Variants in DYM observed in about 807,000 individuals in gnomAD.
DYM encodes the protein dyggve-Melchior-Clausen syndrome protein.
A neutral mutation model predicts 93.1 loss-of-function variants in DYM; 78 were observed. That is an observed-to-expected ratio of 0.84 (90% CI 0.70 to 1.01). The LOEUF is 1.01. DYM is among the 50% of genes least tolerant of loss of function. DYM has a pLI of 0.00. For synonymous variants in DYM, 321 were observed against 319.7 expected (o/e 1.00, Z -0.04); for missense variants, 789 against 845.0 (o/e 0.93, Z 0.82).
intron 6 of DYM, among the ~76,000 whole-genome samples, chr18:49,353,889 G>A (rs2065327668): frequency 6.6e-6 from 1 of 151,980 alleles, no homozygotes; most frequent in Non-Finnish European, 1.5e-5. Context: ...CACAACACCT[G>A]CAAGTTACTT....
chr18:49,045,795 A>T (rs2071409628), intron 17 of DYM, among the ~76,000 whole-genome samples: 1 of 152,132 alleles, frequency 6.6e-6, no homozygotes, highest in Non-Finnish European at 1.5e-5. Flanking sequence ...GCTGGAGGCT[A>T]AGGAGGGGGT....
At chr18:49,411,740 A>C (rs1366321898) in intron 2 of DYM, among the ~76,000 whole-genome samples, 1 of 152,218 alleles carries the variant, frequency 6.6e-6, no homozygotes, top group African/African-American at 2.4e-5. Flanking sequence ...TTCCGCCATA[A>C]AATTCTTTCA....
At chr18:49,111,678 G>A (rs754773668) in intron 16 of DYM, among the ~76,000 whole-genome samples, 27 of 152,110 alleles carry the variant, frequency 1.8e-4, no homozygotes, top group Non-Finnish European at 3.7e-4. Context: ...CATGCTCCAC[G>A]TTCTGCTTTC....
At chr18:49,175,253 T>C (rs1490542022) in intron 14 of DYM, among the ~76,000 whole-genome samples, 2 of 152,228 alleles carry the variant, frequency 1.3e-5, no homozygotes, top group Non-Finnish European at 2.9e-5. Flanking sequence ...TACTAATTGA[T>C]GATTTATCTT....
chr18:49,069,800 T>C (rs576246183), intron 17 of DYM, among the ~76,000 whole-genome samples: 1 of 152,274 alleles, frequency 6.6e-6, no homozygotes, highest in Admixed American at 6.5e-5. Context: ...CCCAGCACTT[T>C]GGGAGGCCAA....
intron 17 of DYM, among the ~76,000 whole-genome samples, chr18:49,068,094 T>G (rs2076612017): frequency 6.6e-6 from 1 of 152,204 alleles, no homozygotes. Flanking sequence ...CTAGTAATAG[T>G]TGGACTTTCA....
intron 13 of DYM, among the ~76,000 whole-genome samples, chr18:49,231,798 C>T (rs1040561461): frequency 6.6e-6 from 1 of 152,106 alleles, no homozygotes; most frequent in African/African-American, 2.4e-5. Flanking sequence ...GCTAAAAAGT[C>T]ACCAGAGGAA....
chr18:49,132,444 G>GA (rs999748368), intron 15 of DYM, among the ~76,000 whole-genome samples: 41 of 151,920 alleles, frequency 2.7e-4, no homozygotes, highest in Non-Finnish European at 5.0e-4. Flanking sequence ...GAATAACCAT[G>GA]AAAAAAGGGA....
At chr18:49,208,452 A>T (rs1332271372) in intron 14 of DYM, 1 of 152,132 alleles carries the variant, frequency 6.6e-6, no homozygotes, top group Non-Finnish European at 1.5e-5. Flanking sequence ...CTACTTTTCT[A>T]ACCCTCAGTT....
At chr18:49,075,534 T>A (rs188383958) in intron 17 of DYM, among the ~76,000 whole-genome samples, 54 of 151,990 alleles carry the variant, frequency 3.6e-4, no homozygotes, top group African/African-American at 1.3e-3. Context: ...CAGTGAAGGA[T>A]AAACAGGGAA....
chr18:49,333,929 T>C (rs919430003), intron 6 of DYM, 76 bp from the exon 7 acceptor site: 73 of 1,425,256 alleles, frequency 5.1e-5, no homozygotes, highest in Non-Finnish European at 7.0e-5. Context: ...GAACTATACA[T>C]TTAAAAACTC....
At chr18:49,422,340 G>A (rs1171661198) in intron 2 of DYM, among the ~76,000 whole-genome samples, 2 of 152,138 alleles carry the variant, frequency 1.3e-5, no homozygotes, top group Admixed American at 6.6e-5. Flanking sequence ...AAGAGAGTGG[G>A]GGACAATAGT....
At chr18:49,258,803 C>G (rs1288681201) in intron 11 of DYM, among the ~76,000 whole-genome samples, 60 of 134,138 alleles carry the variant, frequency 4.5e-4, no homozygotes, top group Non-Finnish European at 1.6e-4. Context: ...CACACACACA[C>G]ACACACACAC....
At chr18:49,105,682 G>A (rs1050586589) in intron 16 of DYM, among the ~76,000 whole-genome samples, 12 of 152,286 alleles carry the variant, frequency 7.9e-5, no homozygotes, top group African/African-American at 2.9e-4. Context: ...AGTTATTCAG[G>A]AGCAGGTTGT....
chr18:49,413,105 T>C (rs2072470388), intron 2 of DYM: 1 of 152,238 alleles, frequency 6.6e-6, no homozygotes, highest in Admixed American at 6.5e-5. Context: ...GATTTAATGC[T>C]GCAGCTCTTT....
chr18:49,408,949 C>G (rs2071854813), intron 2 of DYM, among the ~76,000 whole-genome samples: 1 of 152,110 alleles, frequency 6.6e-6, no homozygotes, highest in African/African-American at 2.4e-5. Context: ...GTCTAGTCAA[C>G]AAAATACAGA....
intron 16 of DYM, among the ~76,000 whole-genome samples, chr18:49,106,501 C>G (rs2080825894): frequency 6.6e-6 from 1 of 152,172 alleles, no homozygotes; most frequent in South Asian, 2.1e-4. Flanking sequence ...TTCCCAGCCT[C>G]AATGGTCTTT....
At chr18:49,249,703 C>CA (rs1219218734) in intron 13 of DYM, among the ~76,000 whole-genome samples, 1 of 151,706 alleles carries the variant, frequency 6.6e-6, no homozygotes, top group East Asian at 1.9e-4. Context: ...TATGTGTCAT[C>CA]ATGAGTGCAG....
chr18:49,374,335 T>C (rs2067296539), intron 5 of DYM, among the ~76,000 whole-genome samples: 1 of 152,194 alleles, frequency 6.6e-6, no homozygotes, highest in Non-Finnish European at 1.5e-5. Flanking sequence ...GAGAACATAA[T>C]GGTCAATCCC....
Sources: gnomAD v4.1 joint callset for allele counts (sites outside exome capture counted in the v4.1 genomes callset) on GRCh38, gnomAD v4.1.1 for gene constraint, MANE v1.5 for transcripts, NCBI Gene and HGNC (gene_info 2026-07-23, HGNC 2026-07-21) for gene names.